The following NBPF3 variants were observed in gnomAD, a reference collection of about 807,000 sequenced individuals.
NBPF3 encodes the protein NBPF family member NBPF3.
A neutral mutation model predicts 78.1 loss-of-function variants in NBPF3; 57 were observed. The observed-to-expected ratio is 0.73, with a 90% CI of 0.59 to 0.91. The LOEUF is 0.91. Among genes scored for constraint, NBPF3 ranks in the 40% least tolerant of loss-of-function variants. The probability of loss-of-function intolerance (pLI) is 0.00; values close to 1 mark genes in which losing one functional copy is unlikely to be tolerated. For missense variants in NBPF3, 510 were observed against 715.3 expected, an observed-to-expected ratio of 0.71 and a Z score of 3.27; for synonymous variants, 182 against 271.7, an observed-to-expected ratio of 0.67 and a Z score of 3.25.
chr1:21,481,399 T>A (rs566262909), intron 12 of NBPF3, among the ~76,000 whole-genome samples, 198 bp from the exon 13 acceptor site: 1 of 146,016 alleles, frequency 6.8e-6, no homozygotes, highest in African/African-American at 2.5e-5. Flanking sequence ...TCTGTCTCTC[T>A]GTCTCTCTGT....
Position 21,460,769 on chromosome 1 carries a change from TAAAA to T in NBPF3, c.134-7917_134-7914del, listed in dbSNP as rs1197500730. Among the ~76,000 whole-genome samples the T allele has an allele frequency of 2.0e-5, 3 of 152,232 alleles. No individual in the cohort carries two copies. Among genetic ancestry groups the T allele is most frequent in the Admixed American group, 6.5e-5 (1 of 15,280 alleles). On this transcript the variant is annotated intron_variant, in intron 2 of 14. Transcript: ENST00000318249. The surrounding 1 kb of genome is among the most constrained non-coding windows in gnomAD (Gnocchi z 4.2). ...AATCAAGCAAATTGCCCTTCATTTT[TAAAA>T]ACCTTCTGCTTATTATGTTGTTGTT...
intron 11 of NBPF3, among the ~76,000 whole-genome samples, chr1:21,480,637 C>T (rs1473070611): frequency 1.3e-5 from 2 of 152,306 alleles, no homozygotes; most frequent in African/African-American, 4.8e-5. Flanking sequence ...TCATCTGGGG[C>T]ATTTTCTTTG....
chr1:21,443,954 T>A (rs1248679358), intron 1 of NBPF3, among the ~76,000 whole-genome samples: 1 of 152,230 alleles, frequency 6.6e-6, no homozygotes, highest in African/African-American at 2.4e-5. Context: ...TTTAAAAGAT[T>A]TACTAAAATC....
rs1249642516 is a variant in NBPF3 at position 21,460,615 on chromosome 1, C to A, written c.134-8073C>A. ...AATATTAACCACTCTTCATCATACA[C>A]TGAAATTAACTTAAGATGTGAAAGT... is the stretch of plus-strand genomic sequence containing the variant. On this transcript the variant is annotated intron_variant, in intron 2 of 14. Coordinates refer to ENST00000318249, the MANE Select transcript of NBPF3 (RefSeq NM_032264.6). The surrounding 1 kb of genome is among the most constrained non-coding windows in gnomAD (Gnocchi z 4.2). Among the ~76,000 whole-genome samples, 2 of 152,176 alleles carry A rather than the reference C, an allele frequency of 1.3e-5. No individual in the cohort carries two copies. The highest frequency in any genetic ancestry group is 4.8e-5 in the African/African-American group (2 of 41,432).
chr1:21,438,151 C>A (rs1055350438), upstream of NBPF3, among the ~76,000 whole-genome samples: 1 of 151,302 alleles, frequency 6.6e-6, no homozygotes, highest in African/African-American at 2.4e-5. Flanking sequence ...CTCACTCTGT[C>A]CCCTAGGCTG....
At chr1:21,457,407 C>T (rs959029687) in intron 2 of NBPF3, among the ~76,000 whole-genome samples, 13 of 50,104 alleles carry the variant, frequency 2.6e-4, no homozygotes, top group Non-Finnish European at 5.1e-4. Flanking sequence ...TATATATATG[C>T]ATGTGTATAT....
intron 2 of NBPF3, among the ~76,000 whole-genome samples, chr1:21,458,527 A>G (rs1057100335): frequency 1.3e-5 from 2 of 152,214 alleles, no homozygotes; most frequent in South Asian, 2.1e-4. Flanking sequence ...GAAATGTCCA[A>G]TAACAAGTGA....
Position 21,483,482 on chromosome 1 carries a change from G to A in NBPF3, c.*96G>A. 2.6e-6 allele frequency: 1 copy of A among 390,562 alleles called. No homozygotes were observed. The highest frequency in any genetic ancestry group is 4.6e-6 in the Non-Finnish European group (1 of 219,012). 24.2% of individuals were successfully genotyped at this position (390,562 alleles called of 1,614,324 possible). ...AACTGTAGTTCCCTTTGGAAGCCCA[G>A]TCATAGGATGGGAAAGTGGGCATGG... On this transcript the variant is annotated 3_prime_UTR_variant, in exon 15 of 15. Coordinates refer to ENST00000318249, the MANE Select transcript of NBPF3 (RefSeq NM_032264.6).
intron 2 of NBPF3, among the ~76,000 whole-genome samples, chr1:21,454,823 G>A (rs1293474659): frequency 2.0e-5 from 3 of 152,062 alleles, no homozygotes; most frequent in Admixed American, 2.0e-4. Context: ...AAGCATTAGC[G>A]GCGTAAAATA....
At position 21,471,571 on chromosome 1, in the gene NBPF3, A is replaced by C. The variant is rs1254210446; in HGVS notation, c.449A>C (p.Gln150Pro). 2 of 1,611,736 alleles carry C rather than the reference A, an allele frequency of 1.2e-6. No homozygotes were observed. The highest frequency in any genetic ancestry group is 1.7e-6 in the Non-Finnish European group (2 of 1,179,764). Reference protein sequence around the residue: ...EELGQAEELRQYKVLVHSQER... With the variant: ...EELGQAEELRPYKVLVHSQER... ...TTTTCTCTACTATCTCACCTTAGGC[A>C]ATATAAAGTCCTGGTTCACTCTCAG... The change falls in exon 5 of 15, where the codon CAA becomes CCA. Residue 150 changes from glutamine (Q) to proline (P), a missense_variant and splice_region_variant. Gln to Pro is a moderately conservative substitution (Grantham distance 76). Coordinates refer to ENST00000318249, the MANE Select transcript of NBPF3 (RefSeq NM_032264.6).
At chr1:21,470,879 T>C (rs1642550411) in intron 4 of NBPF3, 145 bp downstream of exon 4, 2 of 549,186 alleles carry the variant, frequency 3.6e-6, no homozygotes, top group African/African-American at 3.9e-5. Flanking sequence ...CAAAGATTTA[T>C]CAAGCAGAGA....
chr1:21,452,984 G>A (rs1157135592), intron 2 of NBPF3, among the ~76,000 whole-genome samples: 3 of 152,028 alleles, frequency 2.0e-5, no homozygotes, highest in Non-Finnish European at 4.4e-5. Flanking sequence ...TTTTTTTTCT[G>A]AATATGAGCA....
chr1:21,470,779 T>C (rs920888035), intron 4 of NBPF3, 45 bp downstream of exon 4: 42 of 1,317,942 alleles, frequency 3.2e-5, no homozygotes, highest in Non-Finnish European at 4.3e-5. Flanking sequence ...GGTGTGTAAA[T>C]ATCTGAAGTA....
chr1:21,439,419 G>A (rs1263138456), upstream of NBPF3, among the ~76,000 whole-genome samples: 3 of 152,206 alleles, frequency 2.0e-5, no homozygotes, highest in Admixed American at 2.0e-4. Context: ...AACTTGGGAG[G>A]TGGAGGTTGC....
chr1:21,449,665 T>G (rs1295071146), intron 2 of NBPF3: 1 of 152,130 alleles, frequency 6.6e-6, no homozygotes, highest in Admixed American at 6.6e-5. Context: ...GAGACATGGT[T>G]TCTCCATGTT....
chr1:21,467,388 G>A (rs1642335237), intron 2 of NBPF3: 1 of 985,650 alleles, frequency 1.0e-6, no homozygotes, highest in Non-Finnish European at 1.2e-6. Flanking sequence ...ACCTAGGTGG[G>A]GATGAAAGCT....
intron 7 of NBPF3, among the ~76,000 whole-genome samples, chr1:21,474,172 TTC>T (rs1175249374): frequency 3.3e-5 from 5 of 151,906 alleles, no homozygotes; most frequent in Non-Finnish European, 1.5e-5. Context: ...GCATCATAGA[TTC>T]TCTCTCTCTT....
chr1:21,465,142 G>A (rs1266180250), intron 2 of NBPF3, among the ~76,000 whole-genome samples: 1 of 152,166 alleles, frequency 6.6e-6, no homozygotes, highest in African/African-American at 2.4e-5. Flanking sequence ...CAGAAATGAG[G>A]TATAGGGGAG....
chr1:21,467,040 T>C lies in NBPF3; in HGVS notation c.134-1648T>C, dbSNP rs2147972901. ...TGTGACCTCAAGTAAGCCACGTAAC[T>C]CTGTGAACCTGCAGTTTTATCATTT... On this transcript the variant is annotated intron_variant, in intron 2 of 14. Transcript: ENST00000318249. The C allele has an allele frequency of 6.1e-6, 6 of 984,226 alleles. No homozygotes were observed. In the South Asian group the frequency reaches 2.4e-4, roughly 39 times the overall value. The allele number at this position is 984,226 out of a possible 1,614,324, so 61.0% of individuals were successfully genotyped here.
Sources: allele counts gnomAD v4.1 joint callset (sites outside exome capture counted in the v4.1 genomes callset), GRCh38; gene constraint gnomAD v4.1.1; non-coding constraint Gnocchi (gnomAD v3.1); transcripts MANE v1.5; gene names NCBI Gene and HGNC (gene_info 2026-07-23, HGNC 2026-07-21).